The following LUZP2 variants were observed in gnomAD, a reference collection of about 807,000 sequenced individuals.
LUZP2 encodes leucine zipper protein 2.
A neutral mutation model predicts 51.6 loss-of-function variants in LUZP2; 52 were observed. The ratio of observed to expected loss-of-function variants is 1.01; its 90% CI spans 0.81 to 1.27. LUZP2 has a LOEUF of 1.27. Ranked by LOEUF, LUZP2 falls within the 50% of genes most tolerant of loss-of-function variation. The pLI is 0.00. For missense variants in LUZP2, 436 were observed against 395.4 expected (o/e 1.10, Z -0.87); for synonymous variants, 154 against 137.3 (o/e 1.12, Z -0.85).
chr11:24,547,124 C>T (rs1322537262), intron 1 of LUZP2, among the ~76,000 whole-genome samples: 5 of 151,376 alleles, frequency 3.3e-5, no homozygotes, highest in African/African-American at 2.4e-5. Context: ...TCAGTTTATT[C>T]TAGATTCCCT....
chr11:24,665,917 G>A (rs143144707), intron 1 of LUZP2, among the ~76,000 whole-genome samples: 11 of 151,916 alleles, frequency 7.2e-5, no homozygotes, highest in African/African-American at 1.7e-4. Context: ...TTGTTAGCTC[G>A]TTTGTTTCCA....
intron 9 of LUZP2, among the ~76,000 whole-genome samples, chr11:25,037,360 A>T (rs1435261304): frequency 6.6e-6 from 1 of 152,060 alleles, no homozygotes; most frequent in Non-Finnish European, 1.5e-5. Context: ...TACACGTGAA[A>T]TGGGTCTCCT....
intron 9 of LUZP2, among the ~76,000 whole-genome samples, chr11:25,034,009 C>T (rs1161504360): frequency 6.6e-6 from 1 of 152,096 alleles, no homozygotes; most frequent in African/African-American, 2.4e-5. Flanking sequence ...CTCCAGACTC[C>T]TTTCCACAGC....
At chr11:24,943,050 T>G (rs1047945713) in intron 7 of LUZP2, among the ~76,000 whole-genome samples, 5 of 152,236 alleles carry the variant, frequency 3.3e-5, no homozygotes, top group African/African-American at 1.2e-4. Flanking sequence ...CTTATGCCAC[T>G]TATTTCATGG....
At chr11:24,939,507 A>C (rs1012315068) in intron 7 of LUZP2, among the ~76,000 whole-genome samples, 1 of 152,028 alleles carries the variant, frequency 6.6e-6, no homozygotes, top group Non-Finnish European at 1.5e-5. Flanking sequence ...CCTTGAAGGC[A>C]TTGCACCAAT....
intron 1 of LUZP2, among the ~76,000 whole-genome samples, chr11:24,535,512 T>C (rs1467361009): frequency 6.6e-6 from 1 of 151,574 alleles, no homozygotes; most frequent in Non-Finnish European, 1.5e-5. Flanking sequence ...TTACCAGGAG[T>C]AGATTCCATC....
At chr11:24,681,623 G>T (rs959371511) in intron 1 of LUZP2, among the ~76,000 whole-genome samples, 2 of 151,972 alleles carry the variant, frequency 1.3e-5, no homozygotes, top group Non-Finnish European at 1.5e-5. Context: ...TGGATTTATC[G>T]ATGTCTTTCC....
At chr11:24,542,248 C>G (rs1851392646) in intron 1 of LUZP2, among the ~76,000 whole-genome samples, 2 of 152,028 alleles carry the variant, frequency 1.3e-5, no homozygotes, top group Admixed American at 1.3e-4. Context: ...CATACACAAA[C>G]CACGTGTTCT....
chr11:24,841,125 A>T (rs1851016582), intron 5 of LUZP2, among the ~76,000 whole-genome samples: 1 of 151,926 alleles, frequency 6.6e-6, no homozygotes, highest in Non-Finnish European at 1.5e-5. Flanking sequence ...CTAATGTCCA[A>T]TGGGATGGTA....
chr11:24,646,051 T>C (rs1249391749), intron 1 of LUZP2, among the ~76,000 whole-genome samples: 1 of 152,014 alleles, frequency 6.6e-6, no homozygotes, highest in Non-Finnish European at 1.5e-5. Flanking sequence ...CTTAGGTTGG[T>C]TACAGTTCTG....
intron 7 of LUZP2, among the ~76,000 whole-genome samples, chr11:24,947,547 C>T (rs11028291): frequency 0.43 from 64,532 of 151,298 alleles, 14,695 homozygotes; most frequent in Non-Finnish European, 0.51. Flanking sequence ...TCTTTTTTTC[C>T]CCCCAAGTGT....
chr11:24,832,958 AT>A (rs1262604300), intron 5 of LUZP2, among the ~76,000 whole-genome samples: 1 of 152,144 alleles, frequency 6.6e-6, no homozygotes, highest in Non-Finnish European at 1.5e-5. Flanking sequence ...TCAATTCCAT[AT>A]TTAGTCTGAC....
intron 10 of LUZP2, among the ~76,000 whole-genome samples, chr11:25,052,418 AGTTGT>A (rs1230464082): frequency 6.6e-5 from 10 of 152,178 alleles, no homozygotes; most frequent in African/African-American, 2.2e-4. Flanking sequence ...TCTAGACATT[AGTTGT>A]GTTAATTTTT....
chr11:24,596,734 A>T (rs1853456654), intron 1 of LUZP2, among the ~76,000 whole-genome samples: 1 of 152,190 alleles, frequency 6.6e-6, no homozygotes, highest in Non-Finnish European at 1.5e-5. Flanking sequence ...AGAGAGTCTA[A>T]AAAAACTACA....
chr11:25,046,927 G>A (rs1858331484), intron 9 of LUZP2, among the ~76,000 whole-genome samples: 1 of 152,118 alleles, frequency 6.6e-6, no homozygotes, highest in Admixed American at 6.6e-5. Context: ...TATTAACAAA[G>A]ACTGGGAGGG....
chr11:25,054,033 G>T (rs758657767), intron 10 of LUZP2, among the ~76,000 whole-genome samples: 1 of 151,984 alleles, frequency 6.6e-6, no homozygotes, highest in Non-Finnish European at 1.5e-5. Context: ...TCCATATTCG[G>T]CCTCCAGAAA....
At chr11:25,069,970 A>C (rs1349292319) in intron 10 of LUZP2, among the ~76,000 whole-genome samples, 1 of 151,892 alleles carries the variant, frequency 6.6e-6, no homozygotes, top group Non-Finnish European at 1.5e-5. Flanking sequence ...AAATAAATAC[A>C]TGAGCATTAA....
At chr11:24,541,232 G>A (rs1234868524) in intron 1 of LUZP2, among the ~76,000 whole-genome samples, 5 of 134,828 alleles carry the variant, frequency 3.7e-5, no homozygotes, top group South Asian at 2.5e-4. Flanking sequence ...CAGCCTGGGG[G>A]ACAAGAGAGA....
At chr11:24,883,833 T>A (rs1003377924) in intron 5 of LUZP2, among the ~76,000 whole-genome samples, 1 of 152,052 alleles carries the variant, frequency 6.6e-6, no homozygotes, top group Non-Finnish European at 1.5e-5. Context: ...GTAGAACTCT[T>A]TATATCCTGT....
Sources: allele counts gnomAD v4.1 joint callset (sites outside exome capture counted in the v4.1 genomes callset), GRCh38; gene constraint gnomAD v4.1.1; transcripts MANE v1.5; gene names NCBI Gene and HGNC (gene_info 2026-07-23, HGNC 2026-07-21).